Variants in GLCE observed in about 807,000 individuals in gnomAD.
GLCE encodes the protein D-glucuronyl C5-epimerase.
GLCE carries 19 observed loss-of-function variants against 47.9 expected under a neutral mutation model. The ratio of observed to expected loss-of-function variants is 0.40; its 90% CI spans 0.28 to 0.58. The LOEUF is 0.58. Ranked by LOEUF, GLCE falls within the 20% of genes least tolerant of loss-of-function variation. The pLI is 0.48. For missense variants in GLCE, 556 were observed against 743.3 expected, an observed-to-expected ratio of 0.75 and a Z score of 2.93; for synonymous variants, 245 against 263.4, an observed-to-expected ratio of 0.93 and a Z score of 0.68.
At chr15:69,241,120 A>C (rs2140418604) in intron 2 of GLCE, among the ~76,000 whole-genome samples, 1 of 152,336 alleles carries the variant, frequency 6.6e-6, no homozygotes, top group South Asian at 2.1e-4. Flanking sequence ...GGAGAAAAAC[A>C]AGAAAACATA....
At chr15:69,250,416 A>C (rs1338299727) in intron 2 of GLCE, among the ~76,000 whole-genome samples, 1 of 152,070 alleles carries the variant, frequency 6.6e-6, no homozygotes, top group East Asian at 1.9e-4. Flanking sequence ...ACCCGTGCCC[A>C]TTTGAAAGCT....
intron 2 of GLCE, among the ~76,000 whole-genome samples, chr15:69,242,581 G>A (rs2052686763): frequency 6.6e-6 from 1 of 151,902 alleles, no homozygotes; most frequent in African/African-American, 2.4e-5. Flanking sequence ...GAATTGATGA[G>A]GATTTTCTTT....
intron 2 of GLCE, among the ~76,000 whole-genome samples, chr15:69,218,133 CAG>C (rs1346772990): frequency 1.6e-4 from 20 of 124,222 alleles, no homozygotes; most frequent in Middle Eastern, 0.012. Flanking sequence ...TCCTGGGTGA[CAG>C]AGCGAGACTG....
chr15:69,238,302 T>C (rs141060033), intron 2 of GLCE, among the ~76,000 whole-genome samples: 6 of 152,292 alleles, frequency 3.9e-5, no homozygotes, highest in African/African-American at 9.6e-5. Flanking sequence ...TATGATACTA[T>C]GATGTAAAGA....
intron 1 of GLCE, among the ~76,000 whole-genome samples, chr15:69,174,746 A>G (rs2051636998): frequency 6.6e-6 from 1 of 152,204 alleles, no homozygotes; most frequent in African/African-American, 2.4e-5. Context: ...TACACAAATC[A>G]GAGCTTTTTT....
intron 2 of GLCE, among the ~76,000 whole-genome samples, chr15:69,228,578 GAAAC>G (rs555313711): frequency 1.2e-3 from 187 of 152,226 alleles, no homozygotes; most frequent in Middle Eastern, 6.8e-3. Flanking sequence ...TTAATTGGAA[GAAAC>G]AAACAATAGG....
chr15:69,266,638 C>A, intron 4 of GLCE: 1 of 298,842 alleles, frequency 3.3e-6, no homozygotes, highest in Non-Finnish European at 5.0e-6. Flanking sequence ...CTGATCTTTG[C>A]TCCTGGTGAC....
chr15:69,244,173 A>G (rs2052715834), intron 2 of GLCE, among the ~76,000 whole-genome samples: 1 of 152,216 alleles, frequency 6.6e-6, no homozygotes, highest in African/African-American at 2.4e-5. Flanking sequence ...TTGTGGGGCC[A>G]GTGAGGATCC....
At chr15:69,212,909 T>C (rs571374623) in intron 2 of GLCE, among the ~76,000 whole-genome samples, 3 of 152,232 alleles carry the variant, frequency 2.0e-5, no homozygotes, top group Admixed American at 6.5e-5. Flanking sequence ...TGGGGTTTTC[T>C]TTAAAATGTT....
chr15:69,248,002 T>C (rs1437346756), intron 2 of GLCE, among the ~76,000 whole-genome samples: 2 of 152,240 alleles, frequency 1.3e-5, no homozygotes, highest in East Asian at 3.8e-4. Context: ...CATGTCCATA[T>C]ATATACCCGC....
intron 1 of GLCE, chr15:69,196,668 C>A: frequency 6.2e-6 from 1 of 160,752 alleles, no homozygotes; most frequent in South Asian, 1.7e-4. Flanking sequence ...GAAGCTGATC[C>A]TCTTACAACA....
At chr15:69,239,969 A>T (rs4238421) in intron 2 of GLCE, among the ~76,000 whole-genome samples, 2 of 152,150 alleles carry the variant, frequency 1.3e-5, no homozygotes, top group Non-Finnish European at 2.9e-5. Context: ...GTGATTGCTA[A>T]AAGTAATATT....
intron 1 of GLCE, among the ~76,000 whole-genome samples, chr15:69,186,782 A>G (rs2051830385): frequency 2.0e-5 from 3 of 152,186 alleles, no homozygotes; most frequent in Admixed American, 2.0e-4. Context: ...GAAGGTATCA[A>G]CTAGGTATTA....
rs550806562 is a variant in GLCE, at chr15:69,269,479, A to T, written c.*235A>T. 1.9e-6 allele frequency: 1 copy of T among 533,210 alleles called. No individual in the cohort carries two copies. Among genetic ancestry groups the T allele is most frequent in the African/African-American group, 1.9e-5 (1 of 52,920 alleles). The allele number at this position is 533,210 out of a possible 1,614,324, so 33.0% of individuals were successfully genotyped here. On this transcript the variant is annotated 3_prime_UTR_variant, in exon 5 of 5. Coordinates refer to ENST00000261858, the MANE Select transcript of GLCE (RefSeq NM_015554.3). ...TGTTTAATCAATGGGCTGAACAAAG[A>T]TGCTTCACTTTGCCTTGCCCATCAC...
intron 1 of GLCE, among the ~76,000 whole-genome samples, chr15:69,168,690 TC>T (rs1290200501): frequency 1.3e-5 from 2 of 151,982 alleles, no homozygotes; most frequent in African/African-American, 2.4e-5. Flanking sequence ...GTGCCACCAC[TC>T]CCGGCTAATT....
intron 2 of GLCE, among the ~76,000 whole-genome samples, chr15:69,248,913 ATT>A (rs2052795821): frequency 6.6e-6 from 1 of 152,136 alleles, no homozygotes; most frequent in African/African-American, 2.4e-5. Flanking sequence ...ATTTCTAAGT[ATT>A]GGGGATACAA....
At chr15:69,243,093 A>G (rs2140421284) in intron 2 of GLCE, among the ~76,000 whole-genome samples, 1 of 151,608 alleles carries the variant, frequency 6.6e-6, no homozygotes, top group African/African-American at 2.4e-5. Context: ...AAGAAATGAA[A>G]AGAAAGGAGA....
intron 1 of GLCE, among the ~76,000 whole-genome samples, chr15:69,162,617 C>T (rs2051441681): frequency 1.3e-5 from 2 of 151,968 alleles, no homozygotes; most frequent in South Asian, 4.1e-4. Context: ...GTTGTAGCAT[C>T]GCTACCATGG....
intron 2 of GLCE, among the ~76,000 whole-genome samples, chr15:69,213,801 A>T (rs1004843667): frequency 2.6e-5 from 4 of 152,078 alleles, no homozygotes; most frequent in African/African-American, 9.7e-5. Context: ...TATTTCCTCT[A>T]CATTTATCAA....
Sources: gnomAD v4.1 joint callset for allele counts (sites outside exome capture counted in the v4.1 genomes callset) on GRCh38, gnomAD v4.1.1 for gene constraint, MANE v1.5 for transcripts, NCBI Gene and HGNC (gene_info 2026-07-23, HGNC 2026-07-21) for gene names.